The following COL23A1 variants were observed in gnomAD, a reference collection of about 807,000 sequenced individuals.
COL23A1 encodes collagen type XXIII alpha 1 chain, also known as collagen alpha-1(XXIII) chain.
Under a neutral mutation model 99.3 loss-of-function variants are expected in COL23A1, and 97 were observed. The observed-to-expected ratio is 0.98, with a 90% CI of 0.83 to 1.16. COL23A1 has a LOEUF of 1.16. Ranked by LOEUF, COL23A1 falls within the 50% of genes most tolerant of loss-of-function variation. The pLI, the probability that COL23A1 is intolerant of heterozygous loss-of-function variation, is 0.00. For synonymous variants in COL23A1, 320 were observed against 308.2 expected, an observed-to-expected ratio of 1.04 and a Z score of -0.40; for missense variants, 762 against 757.4, an observed-to-expected ratio of 1.01 and a Z score of -0.07.
chr5:178,545,562 A>G lies in COL23A1; in HGVS notation c.361+15120T>C, dbSNP rs552677513. ...AAGGACTTTAACACTCGGCCTGCCA[A>G]TAACCTACAGGGCAGCAAAAGGAAC... is the stretch of plus-strand genomic sequence containing the variant. On this transcript the variant is annotated intron_variant, in intron 2 of 28. Transcript: ENST00000390654. Among the ~76,000 whole-genome samples the G allele has an allele frequency of 9.8e-5, 15 of 152,312 alleles. No homozygotes were observed. The South Asian group carries it at 1.2e-3, about 13-fold the overall frequency.
intron 2 of COL23A1, among the ~76,000 whole-genome samples, chr5:178,546,967 G>A (rs1009577663): frequency 6.6e-6 from 1 of 152,294 alleles, no homozygotes; most frequent in Admixed American, 6.5e-5. Flanking sequence ...CAGAGAAGCC[G>A]GAGGGAAGCC....
At chr5:178,502,347 G>T (rs1015551314) in intron 2 of COL23A1, among the ~76,000 whole-genome samples, 1 of 152,180 alleles carries the variant, frequency 6.6e-6, no homozygotes, top group South Asian at 2.1e-4. Context: ...TAGCCAGGAT[G>T]GTCTCGATCT....
chr5:178,325,453 C>A (rs1759594386), intron 2 of COL23A1, among the ~76,000 whole-genome samples: 1 of 151,804 alleles, frequency 6.6e-6, no homozygotes, highest in Admixed American at 6.6e-5. Context: ...ACCCCCTGAG[C>A]TGTGCTACTC....
chr5:178,267,431 T>C (rs965046891), intron 7 of COL23A1, 98 bp from the exon 8 acceptor site: 2 of 1,255,242 alleles, frequency 1.6e-6, no homozygotes, highest in African/African-American at 3.0e-5. Flanking sequence ...AGACATGGTA[T>C]GACTTAATTC....
chr5:178,500,100 A>G (rs1422696243), intron 2 of COL23A1, among the ~76,000 whole-genome samples: 1 of 152,172 alleles, frequency 6.6e-6, no homozygotes, highest in Non-Finnish European at 1.5e-5. Context: ...AAGAGGCAGG[A>G]GGCAGAGCTT....
intron 2 of COL23A1, among the ~76,000 whole-genome samples, chr5:178,481,303 A>T (rs1757327054): frequency 6.6e-6 from 1 of 152,114 alleles, no homozygotes; most frequent in African/African-American, 2.4e-5. Context: ...ATAGGGGAAA[A>T]TTTTCATGAC....
rs1332063901 is a variant in COL23A1 at position 178,322,535 on chromosome 5, C to T, written c.362-15616G>A. Among the ~76,000 whole-genome samples, 5 of 152,218 alleles carry T rather than the reference C, an allele frequency of 3.3e-5. No homozygotes were observed. The East Asian group carries it at 7.7e-4, about 23-fold the overall frequency. On this transcript the variant is annotated intron_variant, in intron 2 of 28. Coordinates refer to ENST00000390654, the MANE Select transcript of COL23A1 (RefSeq NM_173465.4). Reference sequence around the variant, plus strand: ...AAAGATCTGGATTTGCGCGCTGCTTCTGTGAGTGTGACCTGGAACGAGCTG... The same window carrying T: ...AAAGATCTGGATTTGCGCGCTGCTTTTGTGAGTGTGACCTGGAACGAGCTG...
intron 2 of COL23A1, among the ~76,000 whole-genome samples, chr5:178,560,396 G>A (rs901759965): frequency 6.6e-6 from 1 of 152,012 alleles, no homozygotes; most frequent in Admixed American, 6.6e-5. Context: ...CTTTGAAATG[G>A]GCCAGCTGCT....
intron 2 of COL23A1, among the ~76,000 whole-genome samples, chr5:178,545,825 C>T (rs892362387): frequency 9.9e-5 from 15 of 152,200 alleles, no homozygotes; most frequent in Non-Finnish European, 1.6e-4. Context: ...CACAGGGATA[C>T]ATGAACAGAC....
Position 178,306,928 on chromosome 5 carries a change from GA to G in COL23A1, c.362-10del. On this transcript the variant is annotated splice_polypyrimidine_tract_variant and intron_variant, in intron 2 of 28. Coordinates refer to ENST00000390654, the MANE Select transcript of COL23A1 (RefSeq NM_173465.4). This position sits in a 1 kb window ranked among gnomAD's most constrained non-coding sequence, Gnocchi z 4.1. ...GCGCCGTCCAGGGGGCCCTAGACAG[GA>G]AAACAAGAATGCATTCATTGAGAAG... is the stretch of plus-strand genomic sequence containing the variant. 6.6e-7 allele frequency: 1 copy of G among 1,518,360 alleles called. No homozygotes were observed. The allele number at this position is 1,518,360 out of a possible 1,614,324, so 94.1% of individuals were successfully genotyped here. A position where few individuals can be genotyped will look rare whatever the true frequency, so the allele number is the denominator to read the frequency against.
Position 178,468,470 on chromosome 5 carries a change from C to G in COL23A1, c.361+92212G>C, listed in dbSNP as rs1418999073. ...TCCGTCTCCTGTGGGCTAGACACTG[C>G]CTGCAGGGCACGAGATGATTATTTC... On this transcript the variant is annotated intron_variant, in intron 2 of 28. Coordinates refer to ENST00000390654, the MANE Select transcript of COL23A1 (RefSeq NM_173465.4). The surrounding 1 kb of genome is among the most constrained non-coding windows in gnomAD (Gnocchi z 4.2). Among the ~76,000 whole-genome samples, 1 of 152,160 alleles carries G rather than the reference C, an allele frequency of 6.6e-6. No homozygotes were observed.
intron 2 of COL23A1, among the ~76,000 whole-genome samples, chr5:178,411,299 A>G (rs530614203): frequency 6.6e-6 from 1 of 152,336 alleles, no homozygotes; most frequent in African/African-American, 2.4e-5. Context: ...ACTCCCTGTT[A>G]TATACCCCAA....
chr5:178,282,224 G>T lies in COL23A1; in HGVS notation c.441+6100C>A, dbSNP rs1310313699. On this transcript the variant is annotated intron_variant, in intron 5 of 28. Coordinates refer to ENST00000390654, the MANE Select transcript of COL23A1 (RefSeq NM_173465.4). ...TAATTTCTAATAACGGCTATGACAC[G>T]GAGGTATGAATGAGGAATAGGAGAG... Among the ~76,000 whole-genome samples the T allele has an allele frequency of 2.0e-5, 3 of 152,150 alleles. No individual in the cohort carries two copies. The East Asian group carries it at 5.8e-4, about 29-fold the overall frequency.
At chr5:178,423,887 G>A (rs540095164) in intron 2 of COL23A1, among the ~76,000 whole-genome samples, 168 of 152,260 alleles carry the variant, frequency 1.1e-3, no homozygotes, top group African/African-American at 3.7e-3. Context: ...ATGTCTGCGC[G>A]TCTGCAAACA....
chr5:178,404,612 C>A (rs545631333), intron 2 of COL23A1, among the ~76,000 whole-genome samples: 6 of 152,218 alleles, frequency 3.9e-5, no homozygotes, highest in South Asian at 2.1e-4. Flanking sequence ...TTGATCCCTG[C>A]CGCACATAGT....
chr5:178,419,173 GGCT>G (rs1387047182), intron 2 of COL23A1, among the ~76,000 whole-genome samples: 1 of 152,228 alleles, frequency 6.6e-6, no homozygotes, highest in African/African-American at 2.4e-5. Flanking sequence ...AAAGTTCAGT[GGCT>G]GCTACCTGCT....
intron 1 of COL23A1, among the ~76,000 whole-genome samples, chr5:178,563,721 G>A (rs1446751453): frequency 1.3e-5 from 2 of 151,640 alleles, no homozygotes; most frequent in Non-Finnish European, 2.9e-5. Flanking sequence ...TTGTAGAGAC[G>A]GGGTTTCACT....
chr5:178,417,042 C>G (rs1765348875), intron 2 of COL23A1, among the ~76,000 whole-genome samples: 1 of 152,210 alleles, frequency 6.6e-6, no homozygotes, highest in Non-Finnish European at 1.5e-5. Context: ...TCAGCATGAG[C>G]ATAGGACCTG....
intron 2 of COL23A1, chr5:178,345,223 T>C: frequency 1.2e-6 from 1 of 856,642 alleles, no homozygotes; most frequent in Non-Finnish European, 1.9e-6. Flanking sequence ...GAGATGTTCT[T>C]GATTTCTATA....
Sources: allele counts gnomAD v4.1 joint callset (sites outside exome capture counted in the v4.1 genomes callset), GRCh38; gene constraint gnomAD v4.1.1; non-coding constraint Gnocchi (gnomAD v3.1); transcripts MANE v1.5; gene names NCBI Gene and HGNC (gene_info 2026-07-23, HGNC 2026-07-21).